HAVCR1: variants seen among roughly 807,000 people sequenced by gnomAD.
HAVCR1 encodes hepatitis A virus cellular receptor 1, also known as T cell immunoglobin domain and mucin domain protein 1.
A neutral mutation model predicts 32.0 loss-of-function variants in HAVCR1; 34 were observed. The observed-to-expected ratio is 1.06, with a 90% CI of 0.81 to 1.42. HAVCR1 has a LOEUF of 1.42. HAVCR1 is among the 40% of genes most tolerant of loss of function. The pLI is 0.00. For missense variants in HAVCR1, 420 were observed against 442.3 expected (o/e 0.95, Z 0.45); for synonymous variants, 178 against 170.3 (o/e 1.05, Z -0.35).
At chr5:157,049,220 A>G (rs1755600704) in intron 4 of HAVCR1, 75 bp from the exon 5 acceptor site, 1 of 946,208 alleles carries the variant, frequency 1.1e-6, no homozygotes, top group Non-Finnish European at 1.7e-6. Flanking sequence ...AAAGAACAAA[A>G]CTAGAATCAG....
rs767834529 is a variant in HAVCR1 at position 157,049,140 on chromosome 5, T to A, written c.679A>T (p.Thr227Ser). ...GCTGGCTGAGGTGAAGATGGTGAAG[T>A]GGCTACTGGAATGAAAAGAATGGAA... is the stretch of plus-strand genomic sequence containing the variant. ...LPRQNHEPVA[T>S]SPSSPQPAET... The change falls in exon 5 of 9, where the codon ACT (threonine) becomes TCT (serine). Residue 227 changes from threonine (T) to serine (S), a missense_variant. By Grantham distance (58) the Thr-to-Ser change is moderately conservative (BLOSUM62 1). Transcript: ENST00000523175. The A allele has an allele frequency of 6.3e-7, 1 of 1,592,414 alleles. No homozygotes were observed. Among genetic ancestry groups the A allele is most frequent in the Non-Finnish European group, 8.6e-7 (1 of 1,160,304 alleles).
Position 157,030,637 on chromosome 5 carries a change from ACT to A in HAVCR1, c.987-798_987-797del, listed in dbSNP as rs1224032236. The stretch of plus-strand genomic sequence containing the variant: ...CACTGCACTCCAGCCTGGGCTGGAG[ACT>A]CTGTCTCAAAAAAAGAAATCAGTAG... On this transcript the variant is annotated intron_variant, in intron 8 of 8. Transcript: ENST00000523175. Among the ~76,000 whole-genome samples, 8 of 152,242 alleles carry A rather than the reference ACT, an allele frequency of 5.3e-5. No homozygotes were observed. The South Asian group carries it at 8.3e-4, about 16-fold the overall frequency.
intron 1 of HAVCR1, 86 bp from the exon 2 acceptor site, chr5:157,058,041 C>A: frequency 1.1e-6 from 1 of 938,864 alleles, no homozygotes. Context: ...TGCAACTTAT[C>A]TTTTCACCCA....
At chr5:157,066,829 G>C in the HAVCR1 span, among the ~76,000 whole-genome samples, 1 of 152,210 alleles carries the variant, frequency 6.6e-6, no homozygotes, top group Non-Finnish European at 1.5e-5. Flanking sequence ...GCTCATGCCT[G>C]TAATCCCAGC....
chr5:157,047,016 G>A (rs1755440341), intron 5 of HAVCR1, among the ~76,000 whole-genome samples: 1 of 152,198 alleles, frequency 6.6e-6, no homozygotes, highest in African/African-American at 2.4e-5. Context: ...TAGATAGATA[G>A]AGGTCTGTGC....
At chr5:157,067,017 C>T in the HAVCR1 span, among the ~76,000 whole-genome samples, 26 of 152,114 alleles carry the variant, frequency 1.7e-4, no homozygotes, top group African/African-American at 5.8e-4. Flanking sequence ...ACCCGGGAGG[C>T]GGAGATTGTG....
intron 2 of HAVCR1, among the ~76,000 whole-genome samples, 158 bp from the exon 3 acceptor site, chr5:157,055,691 C>T (rs1411771184): frequency 1.3e-5 from 2 of 152,028 alleles, no homozygotes; most frequent in African/African-American, 4.8e-5. Flanking sequence ...CATGGCAAAA[C>T]CCGATCTCTA....
chr5:157,062,906 G>A (rs1407345839), upstream of HAVCR1, among the ~76,000 whole-genome samples: 1 of 152,014 alleles, frequency 6.6e-6, no homozygotes, highest in Non-Finnish European at 1.5e-5. Flanking sequence ...GATCACTTGA[G>A]GTTAGGAGTT....
chr5:157,044,053 C>T (rs1755076657), intron 5 of HAVCR1, among the ~76,000 whole-genome samples: 1 of 152,082 alleles, frequency 6.6e-6, no homozygotes, highest in Non-Finnish European at 1.5e-5. Context: ...AAGGCAAGGC[C>T]AGGCACAGTG....
Position 157,049,049 on chromosome 5 carries a change from G to T in HAVCR1, c.770C>A (p.Ser257Tyr). 1 of 1,581,828 alleles carries T rather than the reference G, an allele frequency of 6.3e-7. No individual in the cohort carries two copies. The highest frequency in any genetic ancestry group is 8.7e-7 in the Non-Finnish European group (1 of 1,150,552). The change falls in exon 5 of 9, where the codon TCT becomes TAT. Residue 257 changes from serine (S) to tyrosine (Y), a missense_variant. Transcript: ENST00000523175. ...GAGAACGCAGTTACCTGTTGTGTAA[G>T]AGTACAATGGTGAGCTGGTGGGTTC... ...RREPTSSPLY[S>Y]YTTDGNDTVT... is the part of the protein sequence containing the mutation.
At chr5:157,052,880 A>G (rs1435905850) in intron 3 of HAVCR1, among the ~76,000 whole-genome samples, 1 of 152,214 alleles carries the variant, frequency 6.6e-6, no homozygotes, top group African/African-American at 2.4e-5. Flanking sequence ...AGGTGCATGC[A>G]TATTCAGCAA....
At chr5:157,054,190 C>CAAAAAAAAAAAAAAAAA in intron 3 of HAVCR1, among the ~76,000 whole-genome samples, 1 of 42,210 alleles carries the variant, frequency 2.4e-5, no homozygotes, top group Non-Finnish European at 4.8e-5. Flanking sequence ...GACTCCATCT[C>CAAAAAAAAAAAAAAAAA]AAAAAAAAAA....
chr5:157,068,670 A>G, the HAVCR1 span, among the ~76,000 whole-genome samples: 1 of 148,908 alleles, frequency 6.7e-6, no homozygotes, highest in Non-Finnish European at 1.5e-5. Flanking sequence ...TTTTTTTGAG[A>G]CAGAGTTTTC....
At chr5:157,037,716 T>C (rs561553629) in intron 6 of HAVCR1, among the ~76,000 whole-genome samples, 19 of 152,326 alleles carry the variant, frequency 1.2e-4, no homozygotes, top group Admixed American at 1.2e-3. Flanking sequence ...AAATACATCC[T>C]CTTGTGATAT....
upstream of HAVCR1, among the ~76,000 whole-genome samples, chr5:157,060,460 C>T (rs1561609197): frequency 6.6e-6 from 1 of 152,070 alleles, no homozygotes; most frequent in Non-Finnish European, 1.5e-5. Context: ...ATTTTTATCC[C>T]GGCTTAAATA....
At chr5:157,060,938 C>T (rs1756476731), upstream of HAVCR1, among the ~76,000 whole-genome samples, 1 of 151,856 alleles carries the variant, frequency 6.6e-6, no homozygotes, top group South Asian at 2.1e-4. Context: ...GACTCTGTCA[C>T]CCAGGCTGGA....
chr5:157,040,626 C>T lies in HAVCR1; in HGVS notation c.837+2001G>A, dbSNP rs901997986. On this transcript the variant is annotated intron_variant, in intron 6 of 8. Transcript: ENST00000523175. ...AGAAGGATTATTCTCGGGCCAGCTG[C>T]GGTGGCTCATGCCTGTAATCCCAGC... 3.9e-5 allele frequency among the ~76,000 whole-genome samples: 6 copies of T among 152,152 alleles called. No individual in the cohort carries two copies. In the East Asian group the frequency reaches 5.8e-4, roughly 15 times the overall value.
intron 2 of HAVCR1, 54 bp downstream of exon 2, chr5:157,057,844 G>A: frequency 2.2e-6 from 3 of 1,336,602 alleles, no homozygotes; most frequent in South Asian, 2.3e-5. Flanking sequence ...CCATTCTCTG[G>A]CTTCTAACCC....
chr5:157,069,332 C>T, the HAVCR1 span, among the ~76,000 whole-genome samples: 1 of 152,154 alleles, frequency 6.6e-6, no homozygotes, highest in Admixed American at 6.6e-5. Context: ...TTCTCTTTGT[C>T]ATAAGTTTCC....
Sources: allele counts gnomAD v4.1 joint callset (sites outside exome capture counted in the v4.1 genomes callset), GRCh38; gene constraint gnomAD v4.1.1; transcripts MANE v1.5; gene names NCBI Gene and HGNC (gene_info 2026-07-23, HGNC 2026-07-21).